PRKG1: variants seen among roughly 807,000 people sequenced by gnomAD.
PRKG1 encodes protein kinase cGMP-dependent 1.
Under a neutral mutation model 88.1 loss-of-function variants are expected in PRKG1, and 35 were observed. The observed-to-expected ratio is 0.40, with a 90% CI of 0.30 to 0.53. PRKG1 has a LOEUF of 0.53. Ranked by LOEUF, PRKG1 falls within the 20% of genes least tolerant of loss-of-function variation. The probability of loss-of-function intolerance (pLI) is 0.59; values close to 1 mark genes in which losing one functional copy is unlikely to be tolerated. For synonymous variants in PRKG1, 303 were observed against 292.5 expected (o/e 1.04, Z -0.37); for missense variants, 540 against 839.8 (o/e 0.64, Z 4.41).
chr10:51,722,430 T>A lies in PRKG1; in HGVS notation c.593-82155T>A, dbSNP rs558386971. ...TCCTGTCCACAAGGAACTTCCTGAA[T>A]GATTATATTTATTTATCATATATAT... On this transcript the variant is annotated intron_variant, in intron 3 of 17. Coordinates refer to ENST00000373980, the MANE Select transcript of PRKG1 (RefSeq NM_006258.4). 1.6e-4 allele frequency among the ~76,000 whole-genome samples: 25 copies of A among 151,990 alleles called. No individual in the cohort carries two copies. In the South Asian group the frequency reaches 5.0e-3, roughly 30 times the overall value.
In PRKG1 at chr10:51,433,598, G is replaced by T. The variant is rs191822124; in HGVS notation, c.479-34125G>T. Among the ~76,000 whole-genome samples the T allele has an allele frequency of 1.8e-4, 28 of 152,128 alleles. No individual in the cohort carries two copies. The East Asian group carries it at 5.4e-3, about 30-fold the overall frequency. On this transcript the variant is annotated intron_variant, in intron 2 of 17. Transcript: ENST00000373980. The stretch of plus-strand genomic sequence containing the variant: ...AAATAATGACTCAATCCGAAGGACC[G>T]ATTTTGTAAAATACTAGACACCAGC...
intron 5 of PRKG1, among the ~76,000 whole-genome samples, chr10:51,926,567 T>A (rs576101831): frequency 6.6e-6 from 1 of 152,152 alleles, no homozygotes; most frequent in South Asian, 2.1e-4. Flanking sequence ...ACCTCTTTGC[T>A]TCCCCACCCC....
intron 3 of PRKG1, among the ~76,000 whole-genome samples, chr10:51,635,629 A>G (rs1481998843): frequency 6.6e-6 from 1 of 152,160 alleles, no homozygotes; most frequent in Non-Finnish European, 1.5e-5. Context: ...ACAGATGGCC[A>G]TTTTGGCACA....
chr10:52,046,239 T>C (rs1012620711), intron 5 of PRKG1, among the ~76,000 whole-genome samples: 2 of 152,246 alleles, frequency 1.3e-5, no homozygotes, highest in East Asian at 3.9e-4. Context: ...ATTTCTATTT[T>C]ATGAGTTATA....
At chr10:51,660,222 T>C (rs1456286599) in intron 3 of PRKG1, among the ~76,000 whole-genome samples, 3 of 151,392 alleles carry the variant, frequency 2.0e-5, no homozygotes, top group Admixed American at 6.6e-5. Context: ...ATGGTTAGAA[T>C]TGAGAATAAT....
intron 5 of PRKG1, among the ~76,000 whole-genome samples, chr10:52,019,901 T>C (rs1233557077): frequency 6.6e-6 from 1 of 152,188 alleles, no homozygotes; most frequent in African/African-American, 2.4e-5. Flanking sequence ...AGCTTTAAAT[T>C]CTTGTTACTT....
intron 3 of PRKG1, among the ~76,000 whole-genome samples, chr10:51,570,067 A>ATATATATATATATATATATATGTGTGTG (rs1491310201): frequency 2.7e-5 from 3 of 113,078 alleles, no homozygotes; most frequent in African/African-American, 1.1e-4. Context: ...ATATATATAT[A>ATATATATATATATATATATATGTGTGTG]TGTGTGTGTG....
chr10:51,593,028 T>C (rs1838352098), intron 3 of PRKG1, among the ~76,000 whole-genome samples: 1 of 152,232 alleles, frequency 6.6e-6, no homozygotes, highest in African/African-American at 2.4e-5. Flanking sequence ...GGTTTTGATA[T>C]CAACATTATG....
chr10:51,774,991 C>T (rs1292277957), intron 3 of PRKG1, among the ~76,000 whole-genome samples: 1 of 152,066 alleles, frequency 6.6e-6, no homozygotes, highest in Non-Finnish European at 1.5e-5. Flanking sequence ...TTAAAATACT[C>T]ATTTTAGTCT....
At chr10:51,699,698 C>T (rs777381893) in intron 3 of PRKG1, 23 of 803,864 alleles carry the variant, frequency 2.9e-5, no homozygotes, top group Admixed American at 1.9e-4. Context: ...GCCTGTGGAA[C>T]CTGCATCCCA....
At chr10:52,207,334 G>A (rs1305617688) in intron 9 of PRKG1, among the ~76,000 whole-genome samples, 2 of 152,066 alleles carry the variant, frequency 1.3e-5, no homozygotes, top group East Asian at 3.9e-4. Context: ...GAGCTATGAT[G>A]AGGGCCTCCA....
At chr10:52,245,596 A>G (rs1841002181) in intron 9 of PRKG1, among the ~76,000 whole-genome samples, 1 of 152,112 alleles carries the variant, frequency 6.6e-6, no homozygotes, top group Non-Finnish European at 1.5e-5. Flanking sequence ...ATGACAGTTC[A>G]TGTGTGTTTA....
At chr10:51,607,348 T>G (rs1331586435) in intron 3 of PRKG1, among the ~76,000 whole-genome samples, 1 of 152,204 alleles carries the variant, frequency 6.6e-6, no homozygotes, top group Non-Finnish European at 1.5e-5. Flanking sequence ...ATTTGAGACT[T>G]TGTGGGCTAA....
intron 5 of PRKG1, among the ~76,000 whole-genome samples, chr10:51,948,541 TG>T (rs2133047517): frequency 1.4e-5 from 1 of 71,872 alleles, no homozygotes; most frequent in East Asian, 5.5e-4. Context: ...TGTGTGTGTG[TG>T]TGTGTGCGTG....
chr10:51,338,593 C>A (rs1841932930), intron 2 of PRKG1, among the ~76,000 whole-genome samples: 1 of 152,162 alleles, frequency 6.6e-6, no homozygotes, highest in African/African-American at 2.4e-5. Flanking sequence ...TGGGAAGCAT[C>A]TCCCTGGATT....
At chr10:51,405,386 C>A (rs571882130) in intron 2 of PRKG1, among the ~76,000 whole-genome samples, 1 of 152,188 alleles carries the variant, frequency 6.6e-6, no homozygotes, top group Non-Finnish European at 1.5e-5. Context: ...GAAGTCTTCA[C>A]ATCTGCATTT....
rs532514571 is a variant in PRKG1, at chr10:52,110,120, G to A, written c.936-23720G>A. 9.5e-4 allele frequency among the ~76,000 whole-genome samples: 144 copies of A among 151,976 alleles called. 4 individuals are homozygous for A. Among genetic ancestry groups the A allele is most frequent in the African/African-American group, 2.8e-3 (116 of 41,326 alleles). On this transcript the variant is annotated intron_variant, in intron 7 of 17. Transcript: ENST00000373980. ...TCCTAGCACTTTGGGAGGCCGAGGCGGGCGGATCACGAGGTCAGGAGATTG... is the reference window on the plus strand; with the variant it reads ...TCCTAGCACTTTGGGAGGCCGAGGCAGGCGGATCACGAGGTCAGGAGATTG...
intron 6 of PRKG1, among the ~76,000 whole-genome samples, chr10:52,055,914 C>A (rs1903995): frequency 0.38 from 58,048 of 151,994 alleles, 12,216 homozygotes; most frequent in Admixed American, 0.49. Context: ...TGTTGAATCA[C>A]AATTTAGGTA....
chr10:52,266,376 C>T (rs1299617691), intron 10 of PRKG1, among the ~76,000 whole-genome samples: 1 of 151,874 alleles, frequency 6.6e-6, no homozygotes, highest in East Asian at 1.9e-4. Context: ...ACACCCCCAG[C>T]TCTCCCCCGA....
Sources: gnomAD v4.1 joint callset for allele counts (sites outside exome capture counted in the v4.1 genomes callset) on GRCh38, gnomAD v4.1.1 for gene constraint, MANE v1.5 for transcripts, NCBI Gene and HGNC (gene_info 2026-07-23, HGNC 2026-07-21) for gene names.